The following ENAH variants were observed in gnomAD, a reference collection of about 807,000 sequenced individuals.
ENAH encodes the protein ENAH actin regulator, also known as protein enabled homolog.
ENAH carries 23 observed loss-of-function variants against 78.7 expected under a neutral mutation model. The observed-to-expected ratio is 0.29, with a 90% CI of 0.21 to 0.41. ENAH has a LOEUF of 0.41. Ranked by LOEUF, ENAH falls within the 10% of genes least tolerant of loss-of-function variation. The probability of loss-of-function intolerance (pLI) is 1.00; values close to 1 mark genes in which losing one functional copy is unlikely to be tolerated. For synonymous variants in ENAH, 226 were observed against 241.0 expected, an observed-to-expected ratio of 0.94 and a Z score of 0.58; for missense variants, 544 against 691.0, an observed-to-expected ratio of 0.79 and a Z score of 2.39.
intron 1 of ENAH, among the ~76,000 whole-genome samples, chr1:225,577,014 A>G (rs566085): frequency 0.91 from 138,243 of 152,146 alleles, 62,963 homozygotes; most frequent in African/African-American, 0.96. Context: ...AGGCACGTGT[A>G]GTCCCAGCTA....
At chr1:225,614,487 T>G (rs571871445) in intron 1 of ENAH, among the ~76,000 whole-genome samples, 2 of 152,360 alleles carry the variant, frequency 1.3e-5, no homozygotes, top group African/African-American at 4.8e-5. Flanking sequence ...TCGCTGCACT[T>G]GGATGTGTTC....
intron 1 of ENAH, among the ~76,000 whole-genome samples, chr1:225,651,190 A>G (rs150227982): frequency 3.7e-4 from 57 of 152,306 alleles, no homozygotes; most frequent in Admixed American, 7.8e-4. Flanking sequence ...ATATTTGAAA[A>G]TAACTTGTGT....
At chr1:225,618,430 C>G (rs904866568) in intron 1 of ENAH, among the ~76,000 whole-genome samples, 2 of 152,172 alleles carry the variant, frequency 1.3e-5, no homozygotes, top group Non-Finnish European at 2.9e-5. Flanking sequence ...TTTCAATCAT[C>G]TAGTGGCCAA....
intron 1 of ENAH, among the ~76,000 whole-genome samples, chr1:225,584,759 A>G (rs1349102309): frequency 1.3e-5 from 2 of 152,248 alleles, no homozygotes; most frequent in Non-Finnish European, 2.9e-5. Flanking sequence ...ATAAAATATT[A>G]TATGTCATGA....
chr1:225,551,370 T>A (rs935975105), intron 3 of ENAH, among the ~76,000 whole-genome samples: 1 of 152,106 alleles, frequency 6.6e-6, no homozygotes, highest in African/African-American at 2.4e-5. Context: ...CAGAGCACCT[T>A]GTAAAGGTTG....
intron 3 of ENAH, among the ~76,000 whole-genome samples, chr1:225,547,805 C>G (rs1222822760): frequency 6.6e-6 from 1 of 152,186 alleles, no homozygotes; most frequent in South Asian, 2.1e-4. Flanking sequence ...TCCCCCTCAT[C>G]TTCCCATGCC....
intron 2 of ENAH, among the ~76,000 whole-genome samples, chr1:225,563,408 G>A (rs1016646431): frequency 7.2e-5 from 11 of 152,186 alleles, no homozygotes; most frequent in Non-Finnish European, 1.5e-5. Context: ...AATCCTGTAA[G>A]ATACCTGCTG....
At chr1:225,532,466 C>G (rs2096542727) in intron 3 of ENAH, among the ~76,000 whole-genome samples, 1 of 151,870 alleles carries the variant, frequency 6.6e-6, no homozygotes, top group Non-Finnish European at 1.5e-5. Context: ...GCATCTACCT[C>G]AAAGAAGAAT....
At chr1:225,549,651 T>C (rs1391277458) in intron 3 of ENAH, among the ~76,000 whole-genome samples, 2 of 151,628 alleles carry the variant, frequency 1.3e-5, no homozygotes, top group Non-Finnish European at 1.5e-5. Context: ...TAAAGATGAT[T>C]GGTTATGTAT....
intron 2 of ENAH, among the ~76,000 whole-genome samples, chr1:225,562,264 C>A (rs111684978): frequency 4.6e-5 from 7 of 151,502 alleles, no homozygotes; most frequent in Admixed American, 3.9e-4. Flanking sequence ...AGGTCAGGAA[C>A]GATATTCTAT....
chr1:225,555,053 A>G lies in ENAH; in HGVS notation c.202T>C (p.Leu68=), dbSNP rs752880273. ...VVINCAIPKG[L]KYNQATQTFH... ...GTCTGTGTAGCTTGATTGTACTTCA[A>G]CCCTTTAGGAATGGCACAGTTTATC... The change falls in exon 3 of 14, where the codon TTG becomes CTG. Residue 68 remains leucine (L), a synonymous_variant. Transcript: ENST00000366843. The G allele has an allele frequency of 8.8e-6, 14 of 1,584,078 alleles. No individual in the cohort carries two copies. The highest frequency in any genetic ancestry group is 1.2e-5 in the Non-Finnish European group (14 of 1,156,130).
rs71170091 is a variant in ENAH, at chr1:225,558,627, CTT to C, written c.172-3546_172-3545del. Reference sequence around the variant, plus strand: ...TGCTTTCTACTGCATTAATTTCTGCCTTTTTTTTTTTTTTTTTTTTTTTTGAG... The same window carrying C: ...TGCTTTCTACTGCATTAATTTCTGCCTTTTTTTTTTTTTTTTTTTTTTGAG... On this transcript the variant is annotated intron_variant, in intron 2 of 13. Coordinates refer to ENST00000366843, the MANE Select transcript of ENAH (RefSeq NM_018212.6). 6.7e-3 allele frequency among the ~76,000 whole-genome samples: 461 copies of C among 69,154 alleles called. 1 individual carries two copies. Among genetic ancestry groups the C allele is most frequent in the Middle Eastern group, 0.019 (1 of 52 alleles). The allele number at this position is 69,154 out of a possible 152,430, so 45.4% of individuals were successfully genotyped here. A position where few individuals can be genotyped will look rare whatever the true frequency, so the allele number is the denominator to read the frequency against.
intron 1 of ENAH, among the ~76,000 whole-genome samples, chr1:225,585,594 C>T (rs576835238): frequency 5.3e-5 from 8 of 152,166 alleles, no homozygotes; most frequent in Admixed American, 4.6e-4. Flanking sequence ...TCGAGACCAA[C>T]CTGACCAACA....
rs1348294472 is a variant in ENAH, at chr1:225,508,033, A to C, written c.1472-16T>G. ...CTTGTTGGTTCTTTAAAAATAAAAA[A>C]CAAAAGCTATTAAATAAATAAATGC... is the stretch of plus-strand genomic sequence containing the variant. On this transcript the variant is annotated splice_polypyrimidine_tract_variant and intron_variant, in intron 10 of 13. Coordinates refer to ENST00000366843, the MANE Select transcript of ENAH (RefSeq NM_018212.6). The C allele has an allele frequency of 6.7e-7, 1 of 1,500,182 alleles. No homozygotes were observed. Among genetic ancestry groups the C allele is most frequent in the Non-Finnish European group, 8.9e-7 (1 of 1,118,784 alleles). The allele number at this position is 1,500,182 out of a possible 1,614,324, so 92.9% of individuals were successfully genotyped here. A position where few individuals can be genotyped will look rare whatever the true frequency, so the allele number is the denominator to read the frequency against.
At chr1:225,638,622 C>T (rs1182137345) in intron 1 of ENAH, among the ~76,000 whole-genome samples, 2 of 152,134 alleles carry the variant, frequency 1.3e-5, no homozygotes, top group Admixed American at 1.3e-4. Context: ...TTGTGCAGGA[C>T]TTAGGCCATA....
chr1:225,546,213 C>T (rs2096613202), intron 3 of ENAH, among the ~76,000 whole-genome samples: 1 of 152,104 alleles, frequency 6.6e-6, no homozygotes, highest in Non-Finnish European at 1.5e-5. Flanking sequence ...GCATGCCTGG[C>T]CCTAATGAGA....
chr1:225,613,973 C>CA (rs1187320720), intron 1 of ENAH, among the ~76,000 whole-genome samples: 2 of 152,198 alleles, frequency 1.3e-5, no homozygotes, highest in African/African-American at 2.4e-5. Flanking sequence ...TCAGGGTTCC[C>CA]ATAAGCTCTC....
chr1:225,628,735 C>CCATCTCTA (rs1658408476), intron 1 of ENAH, among the ~76,000 whole-genome samples: 1 of 151,564 alleles, frequency 6.6e-6, no homozygotes, highest in Non-Finnish European at 1.5e-5. Flanking sequence ...TGGAAAAACC[C>CCATCTCTA]CATCTCTACT....
intron 1 of ENAH, among the ~76,000 whole-genome samples, chr1:225,617,346 T>C (rs1222543071): frequency 2.0e-5 from 3 of 152,152 alleles, no homozygotes; most frequent in Non-Finnish European, 4.4e-5. Context: ...GCCCTATACA[T>C]TATCCTTTCA....
Sources: allele counts gnomAD v4.1 joint callset (sites outside exome capture counted in the v4.1 genomes callset), GRCh38; gene constraint gnomAD v4.1.1; transcripts MANE v1.5; gene names NCBI Gene and HGNC (gene_info 2026-07-23, HGNC 2026-07-21).